TUSC3: variants seen among roughly 807,000 people sequenced by gnomAD.
The protein encoded by TUSC3 is dolichyl-diphosphooligosaccharide--protein glycosyltransferase subunit TUSC3.
A neutral mutation model predicts 44.8 loss-of-function variants in TUSC3; 45 were observed. That is an observed-to-expected ratio of 1.00 (90% CI 0.79 to 1.29). The LOEUF is 1.29. Ranked by LOEUF, TUSC3 falls within the 50% of genes most tolerant of loss-of-function variation. The pLI, the probability that TUSC3 is intolerant of heterozygous loss-of-function variation, is 0.00. For missense variants in TUSC3, 519 were observed against 437.9 expected, an observed-to-expected ratio of 1.19 and a Z score of -1.65; for synonymous variants, 212 against 152.9, an observed-to-expected ratio of 1.39 and a Z score of -2.85.
chr8:15,564,880 G>T (rs1374585981), intron 1 of TUSC3, among the ~76,000 whole-genome samples: 1 of 152,120 alleles, frequency 6.6e-6, no homozygotes, highest in African/African-American at 2.4e-5. Flanking sequence ...GTGTGTCCCT[G>T]AGATTTGGAA....
chr8:15,688,839 C>T (rs548901848), intron 6 of TUSC3: 1 of 154,328 alleles, frequency 6.5e-6, no homozygotes, highest in African/African-American at 2.4e-5. Context: ...CGTAATTAAT[C>T]CAGTTACTTT....
the TUSC3 span, among the ~76,000 whole-genome samples, chr8:15,811,928 A>G: frequency 9.2e-5 from 14 of 152,288 alleles, no homozygotes; most frequent in East Asian, 1.4e-3. Flanking sequence ...AAAAACAGTA[A>G]TAAGTATTTG....
intron 1 of TUSC3, among the ~76,000 whole-genome samples, chr8:15,540,827 C>T (rs1801663218): frequency 1.3e-5 from 2 of 152,200 alleles, no homozygotes; most frequent in Non-Finnish European, 2.9e-5. Flanking sequence ...CCCAGGGCGC[C>T]TTTATTCCCA....
intron 6 of TUSC3, among the ~76,000 whole-genome samples, chr8:15,721,254 C>A (rs564946839): frequency 3.0e-4 from 46 of 152,168 alleles, no homozygotes; most frequent in Admixed American, 6.6e-4. Context: ...GCACAGAGAA[C>A]CTGTTCCTAA....
intron 6 of TUSC3, among the ~76,000 whole-genome samples, chr8:15,701,572 T>C (rs1362960221): frequency 6.6e-6 from 1 of 152,102 alleles, no homozygotes; most frequent in African/African-American, 2.4e-5. Flanking sequence ...TGCATAGAGA[T>C]GTTGAATTAC....
chr8:15,749,982 GATT>G (rs1811622679), intron 9 of TUSC3, among the ~76,000 whole-genome samples: 1 of 144,852 alleles, frequency 6.9e-6, no homozygotes, highest in Middle Eastern at 3.5e-3. Flanking sequence ...GATACTGTGA[GATT>G]TTTTTTTTTT....
rs564299507 is a variant in TUSC3, at chr8:15,753,081, A to G, written c.1028+4616A>G. On this transcript the variant is annotated intron_variant, in intron 9 of 10. Transcript: ENST00000503731. ...TTATTCTTTACTAATGAAAGCTGCT[A>G]TAGTTTACATAGATGTGATTCCCTT... is the stretch of plus-strand genomic sequence containing the variant. 7.8e-4 allele frequency among the ~76,000 whole-genome samples: 119 copies of G among 152,110 alleles called. 1 individual carries two copies. The highest frequency in any genetic ancestry group is 2.8e-3 in the African/African-American group (116 of 41,504).
chr8:15,665,428 G>C (rs941404665), intron 5 of TUSC3, among the ~76,000 whole-genome samples: 4 of 151,342 alleles, frequency 2.6e-5, no homozygotes, highest in Non-Finnish European at 5.9e-5. Context: ...TTAGTGTTGT[G>C]AACACTTAGT....
intron 1 of TUSC3, among the ~76,000 whole-genome samples, chr8:15,452,966 G>C (rs928492942): frequency 1.3e-5 from 2 of 151,918 alleles, no homozygotes; most frequent in African/African-American, 2.4e-5. Context: ...CACCAGACCA[G>C]ATAGCGACCA....
At chr8:15,774,517 C>T in the TUSC3 span, among the ~76,000 whole-genome samples, 16 of 152,102 alleles carry the variant, frequency 1.1e-4, no homozygotes, top group South Asian at 2.1e-4. Context: ...GAAGGATTCC[C>T]ATAAAGGTCT....
At chr8:15,542,512 C>G (rs963434008) in intron 1 of TUSC3, among the ~76,000 whole-genome samples, 9 of 151,676 alleles carry the variant, frequency 5.9e-5, no homozygotes, top group Non-Finnish European at 1.3e-4. Flanking sequence ...GGGGCCCTTT[C>G]AGATGGCTGG....
chr8:15,507,584 C>T (rs1423008423), intron 2 of TUSC3, among the ~76,000 whole-genome samples: 1 of 152,010 alleles, frequency 6.6e-6, no homozygotes, highest in African/African-American at 2.4e-5. Flanking sequence ...AATTAAAGGT[C>T]TTCTAAAGTC....
intron 2 of TUSC3, among the ~76,000 whole-genome samples, chr8:15,532,793 T>C (rs1280172163): frequency 2.0e-5 from 3 of 152,126 alleles, no homozygotes; most frequent in African/African-American, 7.2e-5. Context: ...ATAAGTCTTA[T>C]GAGATCTGAT....
intron 1 of TUSC3, among the ~76,000 whole-genome samples, chr8:15,586,777 G>C (rs1401574510): frequency 6.6e-6 from 1 of 152,150 alleles, no homozygotes; most frequent in Non-Finnish European, 1.5e-5. Flanking sequence ...TTGGGGAGCA[G>C]GATCAGTAGG....
chr8:15,640,111 A>G (rs1427183958), intron 2 of TUSC3, among the ~76,000 whole-genome samples: 1 of 152,178 alleles, frequency 6.6e-6, no homozygotes, highest in African/African-American at 2.4e-5. Flanking sequence ...TGAACTGTTT[A>G]CAAACAATGT....
chr8:15,615,102 A>G lies in TUSC3; in HGVS notation c.139-7978A>G, dbSNP rs180770284. Among the ~76,000 whole-genome samples, 317 of 152,278 alleles carry G rather than the reference A, an allele frequency of 2.1e-3. 2 individuals carry two copies. The highest frequency in any genetic ancestry group is 7.0e-3 in the African/African-American group (289 of 41,564). ...ACAACCATAATATTCAGCAATCTCA[A>G]TGATGGTTATTTATCCAAAGGAAAG... is the stretch of plus-strand genomic sequence containing the variant. On this transcript the variant is annotated intron_variant, in intron 1 of 10. Transcript: ENST00000503731.
At chr8:15,829,514 T>A in the TUSC3 span, among the ~76,000 whole-genome samples, 1 of 152,032 alleles carries the variant, frequency 6.6e-6, no homozygotes, top group African/African-American at 2.4e-5. Flanking sequence ...CAGTTCAACA[T>A]AAATGAGTCC....
At chr8:15,766,904 C>G (rs769254164), downstream of TUSC3, among the ~76,000 whole-genome samples, 2 of 152,104 alleles carry the variant, frequency 1.3e-5, no homozygotes, top group Non-Finnish European at 2.9e-5. Context: ...GGACTGGTCA[C>G]TGGGGCGAAC....
At chr8:15,706,791 G>C (rs1189288739) in intron 6 of TUSC3, among the ~76,000 whole-genome samples, 1 of 151,852 alleles carries the variant, frequency 6.6e-6, no homozygotes, top group African/African-American at 2.4e-5. Flanking sequence ...CTCTTCCATT[G>C]TACAATGACA....
Sources: allele counts gnomAD v4.1 joint callset (sites outside exome capture counted in the v4.1 genomes callset), GRCh38; gene constraint gnomAD v4.1.1; transcripts MANE v1.5; gene names NCBI Gene and HGNC (gene_info 2026-07-23, HGNC 2026-07-21).